The following SEPTIN6 variants were observed in gnomAD, a reference collection of about 807,000 sequenced individuals.
SEPTIN6 encodes septin 6.
In SEPTIN6, 8 loss-of-function variants were observed where a neutral mutation model predicts 33.6. That is an observed-to-expected ratio of 0.24 (90% CI 0.14 to 0.43). SEPTIN6 has a LOEUF of 0.43. Among genes scored for constraint, SEPTIN6 ranks in the 20% least tolerant of loss-of-function variants. The pLI, the probability that SEPTIN6 is intolerant of heterozygous loss-of-function variation, is 1.00. For missense variants in SEPTIN6, 250 were observed against 340.8 expected, an observed-to-expected ratio of 0.73 and a Z score of 2.10; for synonymous variants, 131 against 140.0, an observed-to-expected ratio of 0.94 and a Z score of 0.45.
chrX:119,616,642 G>T (rs911157644), downstream of SEPTIN6: 8 of 1,091,321 alleles, frequency 7.3e-6, no homozygotes, highest in Non-Finnish European at 1.0e-5. Context: ...GAGGAAATTG[G>T]TTGATTTCTG....
At chrX:119,683,047 A>G (rs6646446) in intron 1 of SEPTIN6, among the ~76,000 whole-genome samples, 56,534 of 110,162 alleles carry the variant, frequency 0.51, 12,145 homozygotes, top group African/African-American at 0.81. Context: ...GGGGCCAGGA[A>G]TTCGAAACCA....
At chrX:119,626,625 A>G (rs1294520543) in intron 9 of SEPTIN6, among the ~76,000 whole-genome samples, 1 of 111,916 alleles carries the variant, frequency 8.9e-6, no homozygotes, top group Non-Finnish European at 1.9e-5. Context: ...AATTTCATTC[A>G]TCAGTGAATT....
chrX:119,679,231 C>CTGTA (rs1268891014), intron 1 of SEPTIN6, among the ~76,000 whole-genome samples: 25 of 112,022 alleles, frequency 2.2e-4, no homozygotes, highest in African/African-American at 8.1e-4. Flanking sequence ...CATGAGCCAC[C>CTGTA]ATGCCTGGCC....
Position 119,640,784 on chromosome X carries a change from T to C in SEPTIN6, c.695A>G (p.His232Arg), listed in dbSNP as rs1242552845. 1 of 1,208,675 alleles carries C rather than the reference T, an allele frequency of 8.3e-7. No homozygotes were observed. Among genetic ancestry groups the C allele is most frequent in the South Asian group, 1.8e-5 (1 of 56,881 alleles). Residue 232 changes from histidine to arginine, a missense_variant, in exon 6 of 11, where the codon CAC becomes CGC. Coordinates refer to ENST00000394610, the MANE Select transcript of SEPTIN6 (RefSeq NM_145799.4). ...VAEINGTMNA[H>R]LPFAVIGSTE... ...GCTGCCAATGACAGCAAACGGCAGG[T>C]GGGCCTGAAACCGAAGGCAAACGAA...
At chrX:119,674,517 G>T (rs1442857338) in intron 2 of SEPTIN6, among the ~76,000 whole-genome samples, 1 of 111,912 alleles carries the variant, frequency 8.9e-6, no homozygotes, top group Admixed American at 9.5e-5. Context: ...CCTCATATTT[G>T]TTTGATTGGT....
Position 119,619,210 on chromosome X carries a change from A to T in SEPTIN6, c.*883T>A. The T allele has an allele frequency of 1.2e-6, 1 of 829,683 alleles. No individual in the cohort carries two copies. The highest frequency in any genetic ancestry group is 6.1e-5 in the South Asian group (1 of 16,287). 68.4% of individuals were successfully genotyped at this position (829,683 alleles called of 1,213,427 possible). ...CAAAGTGGGATTTATTATTCCTGCT[A>T]CTGGCCTCACCTTATTGGGACAGTA... is the stretch of plus-strand genomic sequence containing the variant. On this transcript the variant is annotated 3_prime_UTR_variant, in exon 11 of 11. Transcript: ENST00000394610.
chrX:119,658,186 T>C (rs2054485249), intron 3 of SEPTIN6, among the ~76,000 whole-genome samples: 1 of 112,337 alleles, frequency 8.9e-6, no homozygotes, highest in Non-Finnish European at 1.9e-5. Flanking sequence ...ATTTTCAGTT[T>C]GCTGATTATC....
chrX:119,664,840 C>CAAAAAA (rs1199498493), intron 2 of SEPTIN6, among the ~76,000 whole-genome samples: 1 of 35,845 alleles, frequency 2.8e-5, no homozygotes, highest in African/African-American at 1.0e-4. Flanking sequence ...GACTCCATCT[C>CAAAAAA]AAAAAAAAAA....
chrX:119,632,652 G>A (rs373047134), intron 8 of SEPTIN6, among the ~76,000 whole-genome samples: 10 of 110,538 alleles, frequency 9.0e-5, no homozygotes, highest in Admixed American at 5.8e-4. Context: ...TTTTGAGATG[G>A]AGTCTTGCTC....
chrX:119,675,493 C>T, intron 2 of SEPTIN6, 61 bp downstream of exon 2: 2 of 661,283 alleles, frequency 3.0e-6, no homozygotes, highest in Non-Finnish European at 4.4e-6. Flanking sequence ...CCTGCAAAGC[C>T]GTATCCAGCC....
intron 2 of SEPTIN6, among the ~76,000 whole-genome samples, chrX:119,671,168 G>C (rs970415488): frequency 4.5e-5 from 5 of 111,392 alleles, no homozygotes; most frequent in African/African-American, 1.6e-4. Flanking sequence ...AGAAACGTTT[G>C]GGTATGGTGG....
At chrX:119,653,335 A>G (rs2054380678) in intron 3 of SEPTIN6, among the ~76,000 whole-genome samples, 1 of 111,340 alleles carries the variant, frequency 9.0e-6, no homozygotes, top group Non-Finnish European at 1.9e-5. Flanking sequence ...CCTCCTTCCT[A>G]CGGCCTTCCC....
At chrX:119,658,246 T>C (rs1485543559) in intron 3 of SEPTIN6, among the ~76,000 whole-genome samples, 1 of 112,040 alleles carries the variant, frequency 8.9e-6, no homozygotes, top group Non-Finnish European at 1.9e-5. Flanking sequence ...AGAGAAATAT[T>C]TGTGGTTTTA....
At chrX:119,645,913 G>A (rs995237286) in intron 5 of SEPTIN6, among the ~76,000 whole-genome samples, 1 of 112,197 alleles carries the variant, frequency 8.9e-6, no homozygotes, top group African/African-American at 3.2e-5. Context: ...TTACTGACTT[G>A]TGTCTAACTT....
At chrX:119,660,934 C>T (rs186217321) in intron 3 of SEPTIN6, among the ~76,000 whole-genome samples, 2,642 of 98,730 alleles carry the variant, frequency 0.027, 42 homozygotes, top group Non-Finnish European at 0.037. Flanking sequence ...CACCTACTCT[C>T]GGGAGGCTGA....
chrX:119,662,946 G>A (rs1021153494), intron 3 of SEPTIN6, among the ~76,000 whole-genome samples: 1 of 111,935 alleles, frequency 8.9e-6, no homozygotes, highest in African/African-American at 3.2e-5. Flanking sequence ...AAAACAGTTC[G>A]TCCTTCAAGA....
intron 5 of SEPTIN6, among the ~76,000 whole-genome samples, chrX:119,644,399 A>G (rs183129336): frequency 1.1e-5 from 1 of 95,220 alleles, no homozygotes; most frequent in Non-Finnish European, 2.1e-5. Context: ...TCAACAATAG[A>G]AATTTATTCA....
At chrX:119,679,728 G>A (rs2054916160) in intron 1 of SEPTIN6, among the ~76,000 whole-genome samples, 1 of 111,371 alleles carries the variant, frequency 9.0e-6, no homozygotes, top group Admixed American at 9.6e-5. Flanking sequence ...CGTGGTGGCG[G>A]GAGCCTGTAA....
intron 1 of SEPTIN6, among the ~76,000 whole-genome samples, chrX:119,683,631 G>A (rs1176465235): frequency 6.2e-5 from 7 of 112,494 alleles, no homozygotes; most frequent in Non-Finnish European, 9.4e-5. Flanking sequence ...AATAATGTCA[G>A]TGATTTCTTT....
Sources: gnomAD v4.1 joint callset for allele counts (sites outside exome capture counted in the v4.1 genomes callset) on GRCh38, gnomAD v4.1.1 for gene constraint, MANE v1.5 for transcripts, NCBI Gene and HGNC (gene_info 2026-07-23, HGNC 2026-07-21) for gene names.